OR6J1: variants seen among roughly 807,000 people sequenced by gnomAD.
The protein encoded by OR6J1 is olfactory receptor family 6 subfamily J member 1.
For missense variants in OR6J1, 304 were observed against 166.8 expected, an observed-to-expected ratio of 1.82 and a Z score of -4.53; for synonymous variants, 109 against 70.0, an observed-to-expected ratio of 1.56 and a Z score of -2.78.
At chr14:22,643,796 G>GAGAGAGAGAA (rs1450179581) in intron 1 of OR6J1, among the ~76,000 whole-genome samples, 2 of 147,452 alleles carry the variant, frequency 1.4e-5, no homozygotes, top group African/African-American at 2.6e-5. Flanking sequence ...GAGAGAGAGA[G>GAGAGAGAGAA]AGACAGCAGT....
At chr14:22,643,764 C>CACACACACAGAGAG (rs1466950724) in intron 1 of OR6J1, among the ~76,000 whole-genome samples, 16 of 37,692 alleles carry the variant, frequency 4.2e-4, no homozygotes, top group Non-Finnish European at 6.1e-4. Flanking sequence ...CACACACACA[C>CACACACACAGAGAG]AGAGAGAGAG....
intron 1 of OR6J1, among the ~76,000 whole-genome samples, chr14:22,641,108 G>C (rs1343853558): frequency 6.6e-6 from 1 of 150,754 alleles, no homozygotes; most frequent in Non-Finnish European, 1.5e-5. Context: ...GCTTCAGTGA[G>C]CCATGATCAC....
intron 1 of OR6J1, among the ~76,000 whole-genome samples, chr14:22,638,453 A>G (rs2037612802): frequency 2.4e-5 from 2 of 83,512 alleles, no homozygotes; most frequent in East Asian, 2.4e-4. Context: ...GCTTGAAGGC[A>G]GCATGCTCGT....
In OR6J1 at chr14:22,636,999, A is replaced by G. The variant is rs1247503247; in HGVS notation, c.-27-2161T>C. Among the ~76,000 whole-genome samples the G allele has an allele frequency of 4.1e-5, 5 of 122,758 alleles. 1 individual carries two copies. Among genetic ancestry groups the G allele is most frequent in the African/African-American group, 1.3e-4 (3 of 23,586 alleles). The allele number at this position is 122,758 out of a possible 152,430, so 80.5% of individuals were successfully genotyped here. ...CCTCTTCCCGGCCGCCTTCCCATCT[A>G]GGAAGTGAGGAGCGTCTCTGCCCGG... is the stretch of plus-strand genomic sequence containing the variant. On this transcript the variant is annotated intron_variant, in intron 1 of 1. Coordinates refer to ENST00000540461, the MANE Select transcript of OR6J1 (RefSeq NM_001348233.2).
Position 22,634,795 on chromosome 14 carries a change from G to A in OR6J1, c.17C>T (p.Ala6Val). The A allele has an allele frequency of 1.4e-6, 1 of 693,498 alleles. No individual in the cohort carries two copies. Among genetic ancestry groups the A allele is most frequent in the South Asian group, 1.5e-5 (1 of 65,406 alleles). 43.0% of individuals were successfully genotyped at this position (693,498 alleles called of 1,614,324 possible). A position where few individuals can be genotyped will look rare whatever the true frequency, so the allele number is the denominator to read the frequency against. The change falls in exon 2 of 2, where the codon GCA becomes GTA. Residue 6 changes from alanine to valine, a missense_variant. Transcript: ENST00000540461. MGNWTAAVTEFVLLGF... is the reference protein window; with the variant it reads MGNWTVAVTEFVLLGF... ...CAGCAGAACAAACTCAGTCACCGCT[G>A]CAGTCCAGTTACCCATGGGCCTGGT...
chr14:22,633,576 A>G lies in OR6J1; in HGVS notation c.*192T>C. On this transcript the variant is annotated 3_prime_UTR_variant, in exon 2 of 2. Transcript: ENST00000540461. Reference sequence around the variant, plus strand: ...GTGTGGATGGGGCTTAGAGATCATCAAGTCCAGCCCTGTTGCACTTCAGCT... The same window carrying G: ...GTGTGGATGGGGCTTAGAGATCATCGAGTCCAGCCCTGTTGCACTTCAGCT... 3.5e-6 allele frequency: 2 copies of G among 567,754 alleles called. No homozygotes were observed. The highest frequency in any genetic ancestry group is 6.2e-6 in the Non-Finnish European group (2 of 322,328). 35.2% of individuals were successfully genotyped at this position (567,754 alleles called of 1,614,324 possible). A position where few individuals can be genotyped will look rare whatever the true frequency, so the allele number is the denominator to read the frequency against.
In OR6J1 at chr14:22,633,950, T is replaced by A; in HGVS notation, c.862A>T (p.Ile288Leu). Residue 288 changes from isoleucine (I) to leucine (L), a missense_variant, in exon 2 of 2, where the codon ATA (isoleucine) becomes TTA (leucine). By Grantham distance (5) the Ile-to-Leu change is conservative. Coordinates refer to ENST00000540461, the MANE Select transcript of OR6J1 (RefSeq NM_001348233.2). ...SVVTPFLNPF[I>L]YTLRNDTVQG... Reference sequence around the variant, plus strand: ...ACTGTGTCATTCCTCAGAGTATATATAAAGGGGTTGAGGAATGGAGTCACC... The same window carrying A: ...ACTGTGTCATTCCTCAGAGTATATAAAAAGGGGTTGAGGAATGGAGTCACC... The A allele has an allele frequency of 4.3e-6, 3 of 702,860 alleles. No individual in the cohort carries two copies. Among genetic ancestry groups the A allele is most frequent in the Non-Finnish European group, 7.8e-6 (3 of 384,850 alleles). 43.5% of individuals were successfully genotyped at this position (702,860 alleles called of 1,614,324 possible).
chr14:22,640,127 A>G (rs1444418976), intron 1 of OR6J1, among the ~76,000 whole-genome samples: 3 of 150,122 alleles, frequency 2.0e-5, no homozygotes, highest in Non-Finnish European at 4.4e-5. Context: ...TCCTAGGTAG[A>G]GAAACTTGCA....
chr14:22,634,885 G>A, intron 1 of OR6J1, 47 bp from the exon 2 acceptor site: 1 of 600,206 alleles, frequency 1.7e-6, no homozygotes, highest in Admixed American at 2.9e-5. Context: ...TTCAGTGGAT[G>A]AAACCCCATG....
intron 1 of OR6J1, among the ~76,000 whole-genome samples, chr14:22,643,764 C>CACACACACACAGAG (rs1466950724): frequency 3.4e-4 from 13 of 37,696 alleles, no homozygotes; most frequent in Admixed American, 5.9e-4. Context: ...CACACACACA[C>CACACACACACAGAG]AGAGAGAGAG....
intron 1 of OR6J1, among the ~76,000 whole-genome samples, chr14:22,643,584 A>G (rs1446722896): frequency 6.6e-6 from 1 of 152,034 alleles, no homozygotes; most frequent in Non-Finnish European, 1.5e-5. Flanking sequence ...GGTGCAGGCC[A>G]CTTACTATAA....
At chr14:22,640,430 T>G in intron 1 of OR6J1, among the ~76,000 whole-genome samples, 1 of 149,702 alleles carries the variant, frequency 6.7e-6, no homozygotes. Flanking sequence ...GCTCACAGAG[T>G]TGAATATACA....
chr14:22,644,169 C>T lies in OR6J1; in HGVS notation c.-99G>A, dbSNP rs1439104721. The T allele has an allele frequency of 1.3e-5, 2 of 152,414 alleles. No homozygotes were observed. The highest frequency in any genetic ancestry group is 4.8e-5 in the African/African-American group (2 of 41,434). 9.4% of individuals were successfully genotyped at this position (152,414 alleles called of 1,614,324 possible). ...CCTGGGATTTGCTGCCACCTAGGAT[C>T]TTCCACGGTAATTATCTTGACCAAA... On this transcript the variant is annotated 5_prime_UTR_variant, in exon 1 of 2. Transcript: ENST00000540461.
rs143226285 is a variant in OR6J1 at position 22,634,307 on chromosome 14, C to G, written c.505G>C (p.Gly169Arg). The G allele has an allele frequency of 3.9e-4, 275 of 703,306 alleles. 2 individuals carry two copies. Among genetic ancestry groups the G allele is most frequent in the East Asian group, 3.1e-3 (115 of 37,288 alleles). 43.6% of individuals were successfully genotyped at this position (703,306 alleles called of 1,614,324 possible). Residue 169 changes from glycine to arginine, a missense_variant, in exon 2 of 2, where the codon GGC (glycine) becomes CGC (arginine). Transcript: ENST00000540461. ...TILISQLPFC[G>R]SNIINHFFCD... ...AAGAAGTGGTTAATGATATTGGAGC[C>G]ACAGAAGGGCAGCTGGGAGATGAGG...
At position 22,631,785 on chromosome 14, in the gene OR6J1, T is replaced by G. The variant is rs1183233060; in HGVS notation, c.*1983A>C. The G allele has an allele frequency of 6.5e-6, 1 of 154,088 alleles. No homozygotes were observed. The highest frequency in any genetic ancestry group is 1.5e-5 in the Non-Finnish European group (1 of 68,864). The allele number at this position is 154,088 out of a possible 1,614,324, so 9.5% of individuals were successfully genotyped here. ...GCCATGGCTTCAGCCGGTCCCTCCG[T>G]TTGGGGTGCCTGACTTCCCGCAACA... On this transcript the variant is annotated 3_prime_UTR_variant, in exon 2 of 2. Coordinates refer to ENST00000540461, the MANE Select transcript of OR6J1 (RefSeq NM_001348233.2).
intron 1 of OR6J1, among the ~76,000 whole-genome samples, chr14:22,643,750 CACACACACACACACAG>C (rs1251859201): frequency 1.3e-4 from 14 of 107,632 alleles, no homozygotes; most frequent in Admixed American, 3.6e-4. Flanking sequence ...CACACACACA[CACACACACACACACAG>C]AGAGAGAGAG....
chr14:22,639,440 A>G (rs1475197739), intron 1 of OR6J1, among the ~76,000 whole-genome samples: 5 of 130,388 alleles, frequency 3.8e-5, no homozygotes, highest in South Asian at 2.3e-4. Context: ...CCTACTGGGA[A>G]GTGAGGAGCC....
intron 1 of OR6J1, among the ~76,000 whole-genome samples, chr14:22,639,528 T>A (rs2139296510): frequency 7.6e-6 from 1 of 130,980 alleles, no homozygotes; most frequent in South Asian, 2.3e-4. Context: ...CAATGGCGGC[T>A]TTGTGGAATA....
intron 1 of OR6J1, among the ~76,000 whole-genome samples, chr14:22,639,635 T>C (rs145739701): frequency 0.053 from 5,648 of 106,006 alleles, 641 homozygotes; most frequent in African/African-American, 0.19. Flanking sequence ...TTTTGTTCTG[T>C]ACTAAGAAAA....
Sources: allele counts gnomAD v4.1 joint callset (sites outside exome capture counted in the v4.1 genomes callset), GRCh38; gene constraint gnomAD v4.1.1; transcripts MANE v1.5; gene names NCBI Gene and HGNC (gene_info 2026-07-23, HGNC 2026-07-21).